Variants in PABPC4L observed in about 807,000 individuals in gnomAD.
PABPC4L encodes the protein poly(A) binding protein cytoplasmic 4 like, also known as polyadenylate-binding protein 4-like.
For missense variants in PABPC4L, 452 were observed against 451.4 expected, an observed-to-expected ratio of 1.00 and a Z score of -0.01; for synonymous variants, 169 against 164.1, an observed-to-expected ratio of 1.03 and a Z score of -0.23.
At chr4:133,960,043 G>C in the PABPC4L span, among the ~76,000 whole-genome samples, 1 of 152,166 alleles carries the variant, frequency 6.6e-6, no homozygotes, top group African/African-American at 2.4e-5. Flanking sequence ...TTTTTGGACA[G>C]AAGGATCATC....
At chr4:134,093,125 C>G in the PABPC4L span, among the ~76,000 whole-genome samples, 2 of 151,168 alleles carry the variant, frequency 1.3e-5, no homozygotes. Flanking sequence ...ATAAAATAAA[C>G]TAGTGGTTTG....
At chr4:134,178,273 C>T in the PABPC4L span, among the ~76,000 whole-genome samples, 1 of 151,168 alleles carries the variant, frequency 6.6e-6, no homozygotes, top group Non-Finnish European at 1.5e-5. Context: ...GGAGGTTCCT[C>T]CAAGACCAGG....
chr4:134,144,143 T>C, the PABPC4L span, among the ~76,000 whole-genome samples: 34 of 151,634 alleles, frequency 2.2e-4, no homozygotes, highest in African/African-American at 7.7e-4. Context: ...TTCTTTGTAG[T>C]TTTTAAGATC....
the PABPC4L span, among the ~76,000 whole-genome samples, chr4:134,106,437 A>C: frequency 6.6e-6 from 1 of 151,528 alleles, no homozygotes; most frequent in Non-Finnish European, 1.5e-5. Context: ...TATGCTAAGA[A>C]AGAAAGAAAG....
At chr4:133,965,398 A>T in the PABPC4L span, among the ~76,000 whole-genome samples, 1 of 152,148 alleles carries the variant, frequency 6.6e-6, no homozygotes, top group Admixed American at 6.5e-5. Flanking sequence ...TACTGCCAAA[A>T]GCAATCTACA....
the PABPC4L span, among the ~76,000 whole-genome samples, chr4:134,147,505 A>G: frequency 6.6e-6 from 1 of 152,134 alleles, no homozygotes; most frequent in African/African-American, 2.4e-5. Flanking sequence ...CAAATGTGTA[A>G]TCAAGGGGTT....
chr4:133,961,472 C>A, the PABPC4L span, among the ~76,000 whole-genome samples: 1 of 152,136 alleles, frequency 6.6e-6, no homozygotes, highest in African/African-American at 2.4e-5. Flanking sequence ...GTAAAGAGAG[C>A]TCACTAAAAT....
chr4:134,021,049 C>G, the PABPC4L span, among the ~76,000 whole-genome samples: 2 of 151,984 alleles, frequency 1.3e-5, no homozygotes, highest in African/African-American at 4.8e-5. Context: ...TATGGCAGCC[C>G]AAGGCTTGTA....
chr4:133,981,572 A>G, the PABPC4L span, among the ~76,000 whole-genome samples: 1 of 152,142 alleles, frequency 6.6e-6, no homozygotes, highest in Non-Finnish European at 1.5e-5. Flanking sequence ...TTTTAATTAT[A>G]ATACTTCGGT....
At chr4:133,979,558 G>A in the PABPC4L span, among the ~76,000 whole-genome samples, 374 of 152,112 alleles carry the variant, frequency 2.5e-3, 1 homozygote, top group African/African-American at 8.4e-3. Flanking sequence ...CGCTTGCCTG[G>A]GCTTTCCGTA....
At chr4:134,008,786 G>A in the PABPC4L span, among the ~76,000 whole-genome samples, 5 of 151,592 alleles carry the variant, frequency 3.3e-5, no homozygotes, top group African/African-American at 9.7e-5. Flanking sequence ...ATAATATGTA[G>A]GATGGTTGAG....
the PABPC4L span, among the ~76,000 whole-genome samples, chr4:134,169,223 C>A: frequency 2.8e-4 from 43 of 152,070 alleles, no homozygotes; most frequent in African/African-American, 9.9e-4. Context: ...TCTACTGATG[C>A]TGATAAAACT....
In PABPC4L at chr4:134,196,738, C is replaced by T. The variant is rs190313250; in HGVS notation, c.*3169G>A. 2.0e-5 allele frequency: 3 copies of T among 150,344 alleles called. No individual in the cohort carries two copies. Among genetic ancestry groups the T allele is most frequent in the African/African-American group, 7.3e-5 (3 of 41,202 alleles). 9.3% of individuals were successfully genotyped at this position (150,344 alleles called of 1,614,324 possible). A position where few individuals can be genotyped will look rare whatever the true frequency, so the allele number is the denominator to read the frequency against. ...ACTAAGATAACTTGCTATTATCACGCACCAAAAAAAATTAGAATGAACAAA... is the reference window on the plus strand; with the variant it reads ...ACTAAGATAACTTGCTATTATCACGTACCAAAAAAAATTAGAATGAACAAA... On this transcript the variant is annotated 3_prime_UTR_variant, in exon 2 of 2. Coordinates refer to ENST00000421491, the MANE Select transcript of PABPC4L (RefSeq NM_001114734.2).
the PABPC4L span, among the ~76,000 whole-genome samples, chr4:134,047,811 G>GTT: frequency 6.6e-3 from 976 of 147,276 alleles, 14 homozygotes; most frequent in African/African-American, 0.016. Context: ...CTGCACCAGG[G>GTT]TTTTTTTTTT....
chr4:134,148,725 C>A, the PABPC4L span, among the ~76,000 whole-genome samples: 2 of 152,084 alleles, frequency 1.3e-5, no homozygotes, highest in Non-Finnish European at 2.9e-5. Flanking sequence ...AGCAACAACC[C>A]CACCTTCTCA....
At chr4:134,124,644 T>A in the PABPC4L span, among the ~76,000 whole-genome samples, 2 of 152,102 alleles carry the variant, frequency 1.3e-5, no homozygotes, top group Non-Finnish European at 2.9e-5. Context: ...GATGTTTGGT[T>A]ATATTTATGG....
chr4:134,057,737 A>G, the PABPC4L span, among the ~76,000 whole-genome samples: 5 of 152,060 alleles, frequency 3.3e-5, no homozygotes. Flanking sequence ...CTGGCAATAT[A>G]TGAGGCAAAA....
At chr4:133,991,000 G>T in the PABPC4L span, among the ~76,000 whole-genome samples, 1 of 151,940 alleles carries the variant, frequency 6.6e-6, no homozygotes, top group Non-Finnish European at 1.5e-5. Context: ...CCTCTTTTCT[G>T]TTTTTTGTTT....
chr4:133,988,120 TGTG>T, the PABPC4L span, among the ~76,000 whole-genome samples: 1 of 152,138 alleles, frequency 6.6e-6, no homozygotes, highest in Non-Finnish European at 1.5e-5. Context: ...CATGACATGT[TGTG>T]GTAACTACAC....
Sources: gnomAD v4.1 joint callset for allele counts (sites outside exome capture counted in the v4.1 genomes callset) on GRCh38, gnomAD v4.1.1 for gene constraint, MANE v1.5 for transcripts, NCBI Gene and HGNC (gene_info 2026-07-23, HGNC 2026-07-21) for gene names.